Variants in DLG1 observed in about 807,000 individuals in gnomAD.
DLG1 encodes the protein discs large MAGUK scaffold protein 1, also known as disks large homolog 1.
DLG1 carries 42 observed loss-of-function variants against 123.4 expected under a neutral mutation model. The ratio of observed to expected loss-of-function variants is 0.34; its 90% CI spans 0.27 to 0.44. The LOEUF is 0.44. Ranked by LOEUF, DLG1 falls within the 20% of genes least tolerant of loss-of-function variation. DLG1 has a pLI of 1.00. For synonymous variants in DLG1, 317 were observed against 356.2 expected, an observed-to-expected ratio of 0.89 and a Z score of 1.24; for missense variants, 942 against 1,082.6, an observed-to-expected ratio of 0.87 and a Z score of 1.82.
At chr3:197,244,797 T>G (rs1451837651) in intron 4 of DLG1, among the ~76,000 whole-genome samples, 2 of 152,096 alleles carry the variant, frequency 1.3e-5, no homozygotes, top group Admixed American at 6.5e-5. Context: ...CAGCTTCTGA[T>G]GAGAACATCA....
chr3:197,186,289 G>C (rs1373800178), intron 5 of DLG1, among the ~76,000 whole-genome samples: 1 of 152,090 alleles, frequency 6.6e-6, no homozygotes, highest in Non-Finnish European at 1.5e-5. Context: ...TCATTACACA[G>C]CAGAGATGAA....
intron 4 of DLG1, among the ~76,000 whole-genome samples, chr3:197,226,762 A>G (rs1301863254): frequency 2.6e-5 from 4 of 152,230 alleles, no homozygotes; most frequent in Non-Finnish European, 2.9e-5. Flanking sequence ...TACCATATGG[A>G]AAGTTTAAAA....
At chr3:197,233,213 TAATA>T (rs1304026834) in intron 4 of DLG1, among the ~76,000 whole-genome samples, 1 of 152,108 alleles carries the variant, frequency 6.6e-6, no homozygotes, top group Admixed American at 6.5e-5. Flanking sequence ...AAAAATTTAG[TAATA>T]AATGTAATAA....
intron 1 of DLG1, chr3:197,297,520 C>A: frequency 1.7e-6 from 2 of 1,199,948 alleles, no homozygotes; most frequent in South Asian, 4.1e-5. Flanking sequence ...CCTCTTCCCC[C>A]GCACAAGTAT....
chr3:197,090,805 AAT>A, intron 15 of DLG1, 105 bp downstream of exon 15: 1 of 593,512 alleles, frequency 1.7e-6, no homozygotes, highest in East Asian at 2.8e-5. Flanking sequence ...ACTGATTGGC[AAT>A]ATATTTTCTT....
At chr3:197,287,113 TC>T (rs775139871) in intron 3 of DLG1, among the ~76,000 whole-genome samples, 1 of 151,760 alleles carries the variant, frequency 6.6e-6, no homozygotes, top group Non-Finnish European at 1.5e-5. Context: ...TCAAGGATCC[TC>T]CCACCCTGGC....
chr3:197,195,313 A>G (rs1721870492), intron 4 of DLG1, among the ~76,000 whole-genome samples: 1 of 152,126 alleles, frequency 6.6e-6, no homozygotes. Context: ...AAGCGAACAT[A>G]AAGTGATATT....
chr3:197,125,281 G>A (rs1356267449), intron 11 of DLG1, among the ~76,000 whole-genome samples: 1 of 152,066 alleles, frequency 6.6e-6, no homozygotes, highest in Non-Finnish European at 1.5e-5. Context: ...CAAGAGTAAG[G>A]CACTATCTAT....
intron 4 of DLG1, chr3:197,226,012 G>A (rs1187118583): frequency 6.7e-6 from 1 of 149,658 alleles, no homozygotes; most frequent in Non-Finnish European, 1.5e-5. Context: ...CCAGAAAAAT[G>A]CCTTTGTGCA....
chr3:197,058,083 A>G (rs1733064349), intron 23 of DLG1, among the ~76,000 whole-genome samples: 1 of 151,768 alleles, frequency 6.6e-6, no homozygotes, highest in Admixed American at 6.5e-5. Context: ...TGCTCAAGCA[A>G]TCCCCCCATC....
intron 5 of DLG1, among the ~76,000 whole-genome samples, chr3:197,165,813 AC>A (rs1284977690): frequency 3.6e-4 from 55 of 152,374 alleles, no homozygotes; most frequent in African/African-American, 1.2e-3. Flanking sequence ...GAAAAATCAA[AC>A]AAATACTGAT....
At chr3:197,297,155 T>A (rs1777833755) in intron 2 of DLG1, 31 bp downstream of exon 2, 3 of 1,613,470 alleles carry the variant, frequency 1.9e-6, no homozygotes, top group Non-Finnish European at 2.5e-6. Flanking sequence ...GCAAGTGACA[T>A]CGACAACAGA....
chr3:197,079,456 CAT>C (rs1749469331), intron 17 of DLG1, among the ~76,000 whole-genome samples: 1 of 152,176 alleles, frequency 6.6e-6, no homozygotes, highest in Non-Finnish European at 1.5e-5. Flanking sequence ...CAGTATCATG[CAT>C]AGTTTTGGTG....
chr3:197,080,175 A>G (rs1337943282), intron 17 of DLG1, among the ~76,000 whole-genome samples: 1 of 150,796 alleles, frequency 6.6e-6, no homozygotes, highest in Non-Finnish European at 1.5e-5. Flanking sequence ...ATCTATCGAC[A>G]GCCCAAGTAT....
intron 11 of DLG1, among the ~76,000 whole-genome samples, chr3:197,127,189 G>A (rs753952594): frequency 1.5e-4 from 23 of 151,480 alleles, no homozygotes; most frequent in African/African-American, 4.1e-4. Flanking sequence ...TTGAGAGGCC[G>A]AGGCAGGTGG....
At chr3:197,230,781 T>C (rs1285503374) in intron 4 of DLG1, among the ~76,000 whole-genome samples, 1 of 152,184 alleles carries the variant, frequency 6.6e-6, no homozygotes, top group Non-Finnish European at 1.5e-5. Context: ...AGGACTTAGG[T>C]AAGATCACAA....
chr3:197,161,688 G>T, intron 5 of DLG1: 1 of 1,578,688 alleles, frequency 6.3e-7, no homozygotes, highest in Non-Finnish European at 8.6e-7. Flanking sequence ...GGACTGGCAG[G>T]ACAGGGATCA....
At chr3:197,101,981 T>C (rs1057116717) in intron 14 of DLG1, among the ~76,000 whole-genome samples, 6 of 152,102 alleles carry the variant, frequency 3.9e-5, no homozygotes, top group Admixed American at 3.3e-4. Flanking sequence ...GGTCTCGAAC[T>C]CCTGGGCTCA....
intron 13 of DLG1, among the ~76,000 whole-genome samples, chr3:197,110,907 G>A (rs1769606505): frequency 6.6e-6 from 1 of 152,130 alleles, no homozygotes; most frequent in African/African-American, 2.4e-5. Context: ...CTCATGATCA[G>A]GTAGAGGTGA....
Sources: allele counts gnomAD v4.1 joint callset (sites outside exome capture counted in the v4.1 genomes callset), GRCh38; gene constraint gnomAD v4.1.1; transcripts MANE v1.5; gene names NCBI Gene and HGNC (gene_info 2026-07-23, HGNC 2026-07-21).